Variants in NAV2 observed in about 807,000 individuals in gnomAD.
NAV2 encodes neuron navigator 2.
NAV2 carries 54 observed loss-of-function variants against 223.2 expected under a neutral mutation model. The ratio of observed to expected loss-of-function variants is 0.24; its 90% confidence interval spans 0.19 to 0.30. The LOEUF (loss-of-function observed/expected upper bound fraction) is 0.30, where lower values mean the gene tolerates loss of function less well. NAV2 is among the 10% of genes least tolerant of loss of function. The pLI, the probability that NAV2 is intolerant of heterozygous loss-of-function variation, is 1.00. For synonymous variants in NAV2, 1,279 were observed against 1,239.3 expected (o/e 1.03, Z -0.67); for missense variants, 2,806 against 3,147.5 (o/e 0.89, Z 2.60).
chr11:20,111,949 C>A (rs938584805), intron 36 of NAV2, among the ~76,000 whole-genome samples: 1 of 152,210 alleles, frequency 6.6e-6, no homozygotes, highest in Non-Finnish European at 1.5e-5. Context: ...GAGTTCTAGC[C>A]TCTGTGATTC....
chr11:20,045,604 G>T lies in NAV2; in HGVS notation c.3836G>T (p.Ser1279Ile). 6.2e-7 allele frequency: 1 copy of T among 1,614,216 alleles called. No individual in the cohort carries two copies. Among genetic ancestry groups the T allele is most frequent in the Non-Finnish European group, 8.5e-7 (1 of 1,180,038 alleles). Residue 1279 changes from serine to isoleucine, a missense_variant, in exon 14 of 38, where the codon AGT becomes ATT. Physicochemically the swap from Ser to Ile is moderately radical, Grantham distance 142. Around this residue, in one of 4 missense-constraint regions of NAV2, gnomAD observed 742 missense variants for 777.9 expected, o/e 0.95. Coordinates refer to ENST00000349880, the MANE Select transcript of NAV2 (RefSeq NM_145117.5). ...KVNPAAQPVS[S>I]PAQTSLQPGA... ...AATCCGGCAGCCCAGCCTGTGTCCA[G>T]TCCGGCTCAGACCAGTCTCCAGCCT...
chr11:19,963,511 C>G (rs2048513414), intron 10 of NAV2, among the ~76,000 whole-genome samples: 1 of 152,004 alleles, frequency 6.6e-6, no homozygotes, highest in Non-Finnish European at 1.5e-5. Flanking sequence ...ACTCCCAGTG[C>G]CATTTGAAGG....
chr11:19,753,991 C>T (rs769764201), intron 1 of NAV2, among the ~76,000 whole-genome samples: 3 of 152,218 alleles, frequency 2.0e-5, no homozygotes, highest in Admixed American at 2.0e-4. Context: ...CAGGAAACCA[C>T]GTTACCAGCA....
chr11:19,897,028 A>G (rs1295747955), intron 6 of NAV2, among the ~76,000 whole-genome samples: 2 of 152,128 alleles, frequency 1.3e-5, no homozygotes, highest in Non-Finnish European at 2.9e-5. Context: ...TGTGGCACAT[A>G]TACACCATGG....
At chr11:19,478,569 T>G (rs1168425205) in intron 1 of NAV2, among the ~76,000 whole-genome samples, 1 of 152,232 alleles carries the variant, frequency 6.6e-6, no homozygotes, top group African/African-American at 2.4e-5. Context: ...CCATTAAAAT[T>G]TGTAGAGCAC....
chr11:19,954,385 G>A (rs949305127), intron 10 of NAV2, among the ~76,000 whole-genome samples: 2 of 152,124 alleles, frequency 1.3e-5, no homozygotes, highest in African/African-American at 4.8e-5. Flanking sequence ...TTCAGAAATT[G>A]AGGAACTCAT....
chr11:19,664,662 G>A (rs182321256), intron 1 of NAV2, among the ~76,000 whole-genome samples: 1 of 152,282 alleles, frequency 6.6e-6, no homozygotes, highest in Admixed American at 6.5e-5. Flanking sequence ...AGTAGAAACT[G>A]AGAGTCAGAT....
chr11:19,983,999 CAG>C, intron 10 of NAV2, 124 bp from the exon 11 acceptor site: 1 of 1,245,362 alleles, frequency 8.0e-7, no homozygotes, highest in Non-Finnish European at 1.1e-6. Context: ...GCCAGAGCCT[CAG>C]GGAATCCTCC....
intron 1 of NAV2, among the ~76,000 whole-genome samples, chr11:19,554,741 C>T (rs1459402488): frequency 6.6e-6 from 1 of 152,022 alleles, no homozygotes; most frequent in Non-Finnish European, 1.5e-5. Flanking sequence ...CCGAGGCGGG[C>T]AGATCACCTG....
chr11:19,776,505 A>G (rs2056170012), intron 1 of NAV2, among the ~76,000 whole-genome samples: 1 of 151,882 alleles, frequency 6.6e-6, no homozygotes, highest in South Asian at 2.1e-4. Context: ...GTGTTTGGAA[A>G]TACCCAAACT....
At chr11:19,675,536 G>T (rs1220084120) in intron 1 of NAV2, among the ~76,000 whole-genome samples, 4 of 152,186 alleles carry the variant, frequency 2.6e-5, no homozygotes, top group Middle Eastern at 3.2e-3. Flanking sequence ...GGAGAGCAGG[G>T]AGCATGTCAT....
chr11:19,720,328 C>A (rs557983496), intron 1 of NAV2, among the ~76,000 whole-genome samples: 1 of 152,214 alleles, frequency 6.6e-6, no homozygotes, highest in Admixed American at 6.5e-5. Context: ...GTGAGTGACA[C>A]AAAGTTTTTT....
intron 1 of NAV2, among the ~76,000 whole-genome samples, chr11:19,474,396 T>C (rs770034427): frequency 4.7e-4 from 71 of 152,212 alleles, no homozygotes; most frequent in Non-Finnish European, 8.2e-4. Context: ...TTGACTGTAA[T>C]AAGGAAAGTG....
chr11:19,689,876 G>T (rs1371309523), intron 1 of NAV2, among the ~76,000 whole-genome samples: 2 of 152,212 alleles, frequency 1.3e-5, no homozygotes, highest in Non-Finnish European at 2.9e-5. Context: ...CCAGATGCAC[G>T]ATACTGACTA....
intron 1 of NAV2, among the ~76,000 whole-genome samples, chr11:19,701,724 C>G (rs949395209): frequency 2.0e-5 from 3 of 152,200 alleles, no homozygotes; most frequent in Non-Finnish European, 4.4e-5. Flanking sequence ...TGTCTTGCCC[C>G]ACTGTTTATA....
upstream of NAV2, among the ~76,000 whole-genome samples, chr11:19,349,844 C>T (rs986771072): frequency 4.6e-5 from 7 of 152,212 alleles, no homozygotes; most frequent in African/African-American, 1.2e-4. Context: ...TGACGTCAGC[C>T]GGGAGGTGAC....
chr11:19,562,407 G>A (rs568935444), intron 1 of NAV2, among the ~76,000 whole-genome samples: 5 of 152,246 alleles, frequency 3.3e-5, no homozygotes, highest in South Asian at 4.2e-4. Flanking sequence ...TGGGGGCTCC[G>A]GGCATCCTTT....
In NAV2 at chr11:20,092,192, A is replaced by G. The variant is rs369041014; in HGVS notation, c.5653-14A>G. ...TTCTGCCTACTAAGGGAGCTTCTCC[A>G]TTACTCTTTGCAGAGTGAAATAGAG... On this transcript the variant is annotated splice_polypyrimidine_tract_variant and intron_variant, in intron 27 of 37. Transcript: ENST00000349880. The G allele has an allele frequency of 4.7e-5, 75 of 1,611,772 alleles. No individual in the cohort carries two copies. The highest frequency in any genetic ancestry group is 1.0e-4 in the Admixed American group (6 of 59,972).
intron 1 of NAV2, among the ~76,000 whole-genome samples, chr11:19,651,101 C>T (rs1367597835): frequency 6.6e-6 from 1 of 152,098 alleles, no homozygotes; most frequent in Non-Finnish European, 1.5e-5. Context: ...CAAGCCAGAA[C>T]CTGAATCCCA....
Sources: gnomAD v4.1 joint callset for allele counts (sites outside exome capture counted in the v4.1 genomes callset) on GRCh38, gnomAD v4.1.1 for gene constraint, gnomAD v4.1.1 regional missense constraint, MANE v1.5 for transcripts, NCBI Gene and HGNC (gene_info 2026-07-23, HGNC 2026-07-21) for gene names.